Variants in XYLT1 observed in about 807,000 individuals in gnomAD.
The protein encoded by XYLT1 is beta-D-xylosyltransferase 1.
XYLT1 carries 36 observed loss-of-function variants against 91.3 expected under a neutral mutation model. That is an observed-to-expected ratio of 0.39 (90% confidence interval 0.30 to 0.52). XYLT1 has a LOEUF of 0.52. Ranked by LOEUF, XYLT1 falls within the 20% of genes least tolerant of loss-of-function variation. The pLI is 0.68. For synonymous variants in XYLT1, 588 were observed against 532.0 expected (o/e 1.11, Z -1.45); for missense variants, 1,242 against 1,284.5 (o/e 0.97, Z 0.51).
intron 3 of XYLT1, among the ~76,000 whole-genome samples, chr16:17,235,309 CTTTTTTT>C (rs3060127): frequency 7.2e-6 from 1 of 138,262 alleles, no homozygotes; most frequent in African/African-American, 2.7e-5. Context: ...TCATTATCAT[CTTTTTTT>C]TTTTTTTTTG....
chr16:17,374,549 G>A (rs181840911), intron 1 of XYLT1, among the ~76,000 whole-genome samples: 136 of 151,984 alleles, frequency 8.9e-4, no homozygotes, highest in African/African-American at 3.2e-3. Context: ...CCCATTTTTA[G>A]GGATCATGAT....
At chr16:17,389,144 C>A (rs1411914595) in intron 1 of XYLT1, among the ~76,000 whole-genome samples, 1 of 152,212 alleles carries the variant, frequency 6.6e-6, no homozygotes, top group Non-Finnish European at 1.5e-5. Flanking sequence ...TTTGCAGGAG[C>A]ACAGGGCTCA....
intron 6 of XYLT1, among the ~76,000 whole-genome samples, chr16:17,157,880 C>T (rs2031448785): frequency 6.6e-6 from 1 of 152,158 alleles, no homozygotes; most frequent in African/African-American, 2.4e-5. Context: ...TCCTGAGTAG[C>T]TGGAATTACA....
intron 5 of XYLT1, among the ~76,000 whole-genome samples, chr16:17,166,734 C>G (rs1342361091): frequency 1.3e-5 from 2 of 150,770 alleles, no homozygotes; most frequent in Admixed American, 1.3e-4. Flanking sequence ...GTTGGCCAGG[C>G]TGGTCCTGAC....
At chr16:17,342,116 TA>T in intron 2 of XYLT1, among the ~76,000 whole-genome samples, 1 of 152,360 alleles carries the variant, frequency 6.6e-6, no homozygotes, top group Middle Eastern at 3.4e-3. Flanking sequence ...CCCAAGGTTC[TA>T]ATGATCTAGC....
At chr16:17,348,842 T>C (rs1233295725) in intron 2 of XYLT1, among the ~76,000 whole-genome samples, 3 of 152,226 alleles carry the variant, frequency 2.0e-5, no homozygotes, top group African/African-American at 4.8e-5. Context: ...CTCCGCAGTA[T>C]GCACAGCCCT....
chr16:17,193,760 C>T (rs939474795), intron 5 of XYLT1: 1 of 152,222 alleles, frequency 6.6e-6, no homozygotes, highest in African/African-American at 2.4e-5. Flanking sequence ...CAGATGGAAA[C>T]TGAAAACCTA....
intron 2 of XYLT1, among the ~76,000 whole-genome samples, chr16:17,357,789 C>A (rs1257394880): frequency 6.6e-6 from 1 of 152,256 alleles, no homozygotes; most frequent in Non-Finnish European, 1.5e-5. Flanking sequence ...GGAGGGGCAC[C>A]AGACACCTGG....
chr16:17,134,055 C>T (rs144637109), intron 9 of XYLT1, among the ~76,000 whole-genome samples: 80 of 152,194 alleles, frequency 5.3e-4, no homozygotes, highest in Non-Finnish European at 8.7e-4. Context: ...AAGATCAGCC[C>T]CGAGTTGGAA....
In XYLT1 at chr16:17,182,469, G is replaced by A. The variant is rs1039580264; in HGVS notation, c.1289+15743C>T. Reference sequence around the variant, plus strand: ...TGCTTATGATCTCATTTTACCTTAAGTACCTCCTTATAGGCCCTATCTCCA... The same window carrying A: ...TGCTTATGATCTCATTTTACCTTAAATACCTCCTTATAGGCCCTATCTCCA... On this transcript the variant is annotated intron_variant, in intron 5 of 11. Coordinates refer to ENST00000261381, the MANE Select transcript of XYLT1 (RefSeq NM_022166.4). 3.9e-5 allele frequency among the ~76,000 whole-genome samples: 6 copies of A among 152,184 alleles called. No individual in the cohort carries two copies. In the East Asian group the frequency reaches 1.2e-3, roughly 29 times the overall value.
At chr16:17,356,560 G>T (rs1160261287) in intron 2 of XYLT1, among the ~76,000 whole-genome samples, 1 of 152,040 alleles carries the variant, frequency 6.6e-6, no homozygotes, top group Non-Finnish European at 1.5e-5. Flanking sequence ...TTCCTCTTAG[G>T]AGAACCCAAG....
rs1465310533 is a variant in XYLT1, at chr16:17,383,752, C to T, written c.364-25702G>A. On this transcript the variant is annotated intron_variant, in intron 1 of 11. Coordinates refer to ENST00000261381, the MANE Select transcript of XYLT1 (RefSeq NM_022166.4). ...GCTGTGTGACCCAAAGTGGAATTTT[C>T]TTTTTTTTTTTTGAGACGGAGTTTC... Among the ~76,000 whole-genome samples, 86 of 135,586 alleles carry T rather than the reference C, an allele frequency of 6.3e-4. 1 individual carries two copies. Among genetic ancestry groups the T allele is most frequent in the Non-Finnish European group, 8.8e-4 (55 of 62,224 alleles). 88.9% of individuals were successfully genotyped at this position (135,586 alleles called of 152,430 possible). A position where few individuals can be genotyped will look rare whatever the true frequency, so the allele number is the denominator to read the frequency against.
Position 17,117,873 on chromosome 16 carries a change from T to C in XYLT1, c.2330A>G (p.Asn777Ser). The change falls in exon 11 of 12, where the codon AAT (asparagine) becomes AGT (serine). Residue 777 changes from asparagine (N) to serine (S), a missense_variant. Asn to Ser is a conservative substitution (Grantham distance 46). Transcript: ENST00000261381. ...CACCCAAATGACGGTCACGGTCACA[T>C]TAGGTCCCTTCCCCCACTTCTGCAT... is the stretch of plus-strand genomic sequence containing the variant. ...VGMQKWGKGP[N>S]VTVTVIWVDP... The C allele has an allele frequency of 6.2e-7, 1 of 1,614,020 alleles. No homozygotes were observed. Among genetic ancestry groups the C allele is most frequent in the Non-Finnish European group, 8.5e-7 (1 of 1,179,996 alleles).
chr16:17,467,116 A>C (rs1436756463), intron 1 of XYLT1, among the ~76,000 whole-genome samples: 2 of 152,204 alleles, frequency 1.3e-5, no homozygotes, highest in Non-Finnish European at 2.9e-5. Flanking sequence ...AAGGCGTCGG[A>C]TAATACAGAA....
At chr16:17,139,855 G>C (rs2030908908) in intron 7 of XYLT1, among the ~76,000 whole-genome samples, 1 of 152,216 alleles carries the variant, frequency 6.6e-6, no homozygotes, top group Non-Finnish European at 1.5e-5. Flanking sequence ...GCCCAGTGAT[G>C]ACAAGCTCAT....
chr16:17,328,376 G>A (rs1260478673), intron 2 of XYLT1, among the ~76,000 whole-genome samples: 3 of 151,422 alleles, frequency 2.0e-5, no homozygotes, highest in Non-Finnish European at 4.4e-5. Flanking sequence ...GCAAAACCCC[G>A]TCTCTACTAA....
intron 1 of XYLT1, among the ~76,000 whole-genome samples, chr16:17,368,204 G>C (rs542860416): frequency 3.3e-5 from 5 of 152,152 alleles, no homozygotes; most frequent in African/African-American, 9.7e-5. Flanking sequence ...GCTACAGCTC[G>C]GGATGTAGAG....
chr16:17,444,484 T>C lies in XYLT1; in HGVS notation c.363+25950A>G, dbSNP rs555275057. ...CCAAGAAGTTGGGACTACAGACACA[T>C]GCCACCATGTCCAGCTAACTTCTTC... On this transcript the variant is annotated intron_variant, in intron 1 of 11. Coordinates refer to ENST00000261381, the MANE Select transcript of XYLT1 (RefSeq NM_022166.4). Among the ~76,000 whole-genome samples, 27 of 150,872 alleles carry C rather than the reference T, an allele frequency of 1.8e-4. No individual in the cohort carries two copies. The South Asian group carries it at 5.0e-3, about 28-fold the overall frequency.
chr16:17,141,062 G>A, intron 7 of XYLT1, 91 bp downstream of exon 7: 1 of 1,312,238 alleles, frequency 7.6e-7, no homozygotes, highest in Non-Finnish European at 1.1e-6. Flanking sequence ...GGTGGACCCA[G>A]AATCTCTTTG....
Sources: allele counts gnomAD v4.1 joint callset (sites outside exome capture counted in the v4.1 genomes callset), GRCh38; gene constraint gnomAD v4.1.1; transcripts MANE v1.5; gene names NCBI Gene and HGNC (gene_info 2026-07-23, HGNC 2026-07-21).